RTN1: variants seen among roughly 807,000 people sequenced by gnomAD.
RTN1 encodes reticulon-1.
A neutral mutation model predicts 65.5 loss-of-function variants in RTN1; 25 were observed. The observed-to-expected ratio is 0.38, with a 90% CI of 0.28 to 0.53. The LOEUF (loss-of-function observed/expected upper bound fraction) is 0.53. RTN1 is among the 20% of genes least tolerant of loss of function. The pLI is 0.79. For missense variants in RTN1, 983 were observed against 1,025.4 expected (o/e 0.96, Z 0.57); for synonymous variants, 471 against 447.6 (o/e 1.05, Z -0.66).
chr14:59,818,371 A>G (rs1886859587), intron 1 of RTN1, among the ~76,000 whole-genome samples: 2 of 152,128 alleles, frequency 1.3e-5, no homozygotes, highest in Non-Finnish European at 2.9e-5. Flanking sequence ...ACCACATGGT[A>G]AGAAGGCAAA....
chr14:59,714,392 T>C (rs767335173), intron 3 of RTN1, among the ~76,000 whole-genome samples: 1 of 152,180 alleles, frequency 6.6e-6, no homozygotes, highest in Non-Finnish European at 1.5e-5. Context: ...AACATTTCAG[T>C]GGCTTAACAT....
chr14:59,730,856 T>C (rs932832673), intron 2 of RTN1, among the ~76,000 whole-genome samples: 1 of 152,172 alleles, frequency 6.6e-6, no homozygotes, highest in Non-Finnish European at 1.5e-5. Context: ...TAAAAACAAG[T>C]TCTGGAAAAG....
chr14:59,769,781 T>G (rs1350213148), intron 1 of RTN1, among the ~76,000 whole-genome samples: 1 of 152,160 alleles, frequency 6.6e-6, no homozygotes, highest in Non-Finnish European at 1.5e-5. Flanking sequence ...CAGTACATTG[T>G]CGACAGCTGT....
In RTN1 at chr14:59,868,965, C is replaced by A. The variant is rs373252187; in HGVS notation, c.241+1425G>T. On this transcript the variant is annotated intron_variant, in intron 1 of 8. Transcript: ENST00000267484. The surrounding 1 kb of genome is among the most constrained non-coding windows in gnomAD (Gnocchi z 4.0). ...TTGAAAGAGAGACTGAGCAGCCATT[C>A]TTAGATTTAAATCCTCCCCCACTCC... Among the ~76,000 whole-genome samples, 2 of 152,126 alleles carry A rather than the reference C, an allele frequency of 1.3e-5. No individual in the cohort carries two copies. The highest frequency in any genetic ancestry group is 1.9e-4 in the East Asian group (1 of 5,188).
At chr14:59,852,308 C>CTTT (rs1887523635) in intron 1 of RTN1, among the ~76,000 whole-genome samples, 1 of 152,086 alleles carries the variant, frequency 6.6e-6, no homozygotes, top group Non-Finnish European at 1.5e-5. Flanking sequence ...GTAGAGCAGA[C>CTTT]TTTTTAAAAT....
At chr14:59,740,247 A>T (rs959387583) in intron 2 of RTN1, among the ~76,000 whole-genome samples, 2 of 152,208 alleles carry the variant, frequency 1.3e-5, no homozygotes, top group Admixed American at 1.3e-4. Context: ...CTCATATGAG[A>T]GCCAGCTCAA....
intron 1 of RTN1, among the ~76,000 whole-genome samples, chr14:59,764,026 G>A (rs1178456988): frequency 1.3e-5 from 2 of 152,112 alleles, no homozygotes; most frequent in Non-Finnish European, 2.9e-5. Flanking sequence ...ACAGGCAGAG[G>A]GAAATAGTAG....
chr14:59,851,877 T>G (rs970365507), intron 1 of RTN1, among the ~76,000 whole-genome samples: 3 of 145,780 alleles, frequency 2.1e-5, no homozygotes, highest in Admixed American at 2.0e-4. Flanking sequence ...AAAAAAAGAA[T>G]AAACCAATTC....
intron 3 of RTN1, among the ~76,000 whole-genome samples, chr14:59,700,068 T>C (rs529061688): frequency 2.0e-5 from 3 of 152,000 alleles, no homozygotes; most frequent in East Asian, 1.9e-4. Flanking sequence ...AAAGAAAATA[T>C]GTGAGAAAAT....
intron 1 of RTN1, among the ~76,000 whole-genome samples, chr14:59,847,196 T>C (rs1260818525): frequency 6.6e-6 from 1 of 152,216 alleles, no homozygotes; most frequent in Non-Finnish European, 1.5e-5. Context: ...ACATAAAATA[T>C]CATTGTTTCT....
intron 1 of RTN1, among the ~76,000 whole-genome samples, chr14:59,859,325 T>C (rs1173763745): frequency 1.3e-5 from 2 of 151,922 alleles, no homozygotes; most frequent in Non-Finnish European, 2.9e-5. Flanking sequence ...TAAAAGGGAG[T>C]TTCCCTGCCC....
At chr14:59,623,465 G>C (rs530493436) in intron 3 of RTN1, among the ~76,000 whole-genome samples, 11 of 152,354 alleles carry the variant, frequency 7.2e-5, no homozygotes, top group African/African-American at 2.6e-4. Context: ...CACTTGGAGG[G>C]ATCTTCACAG....
chr14:59,707,669 A>G (rs988207639), intron 3 of RTN1, among the ~76,000 whole-genome samples: 3 of 150,374 alleles, frequency 2.0e-5, no homozygotes. Context: ...CTGCTTGATA[A>G]TTCTCTCTCT....
Position 59,648,882 on chromosome 14 carries a change from G to A in RTN1, c.1766-41390C>T, listed in dbSNP as rs143298967. ...TTCCCCCTGAAAACTGGCATAAGAC[G>A]AGGATGCCCTCTCTCACCACCCCTA... is the stretch of plus-strand genomic sequence containing the variant. On this transcript the variant is annotated intron_variant, in intron 3 of 8. Transcript: ENST00000267484. 2.4e-3 allele frequency among the ~76,000 whole-genome samples: 367 copies of A among 152,230 alleles called. 2 individuals carry two copies. The highest frequency in any genetic ancestry group is 2.5e-3 in the Non-Finnish European group (173 of 68,008).
chr14:59,754,721 C>T (rs548144953), intron 1 of RTN1, among the ~76,000 whole-genome samples: 35 of 152,264 alleles, frequency 2.3e-4, no homozygotes, highest in African/African-American at 3.6e-4. Context: ...GAACACTACT[C>T]ATCTCCAACA....
In RTN1 at chr14:59,852,780, G is replaced by T. The variant is rs993635139; in HGVS notation, c.241+17610C>A. 1.2e-4 allele frequency among the ~76,000 whole-genome samples: 19 copies of T among 152,284 alleles called. 1 individual carries two copies. The highest frequency in any genetic ancestry group is 9.1e-4 in the Admixed American group (14 of 15,302). On this transcript the variant is annotated intron_variant, in intron 1 of 8. Transcript: ENST00000267484. ...TAATCCTCTGAGAGCCACAAATTCA[G>T]TTAGAGTATATTCTTGAAATTAATA...
chr14:59,866,327 A>G (rs1887796943), intron 1 of RTN1, among the ~76,000 whole-genome samples: 1 of 152,134 alleles, frequency 6.6e-6, no homozygotes, highest in South Asian at 2.1e-4. Context: ...CTTGCAATCC[A>G]TGCTCCCAGG....
chr14:59,679,981 G>T (rs1252252677), intron 3 of RTN1, among the ~76,000 whole-genome samples: 2 of 152,134 alleles, frequency 1.3e-5, no homozygotes, highest in Non-Finnish European at 2.9e-5. Context: ...ATAAGGCTTG[G>T]TGTGTTGTGC....
At chr14:59,655,559 G>A (rs1367621987) in intron 3 of RTN1, among the ~76,000 whole-genome samples, 1 of 152,172 alleles carries the variant, frequency 6.6e-6, no homozygotes, top group Non-Finnish European at 1.5e-5. Context: ...ATACTCCTTG[G>A]TTTCAAAATT....
Sources: gnomAD v4.1 joint callset for allele counts (sites outside exome capture counted in the v4.1 genomes callset) on GRCh38, gnomAD v4.1.1 for gene constraint, Gnocchi (gnomAD v3.1) non-coding constraint, MANE v1.5 for transcripts, NCBI Gene and HGNC (gene_info 2026-07-23, HGNC 2026-07-21) for gene names.